The following RPH3A variants were observed in gnomAD, a reference collection of about 807,000 sequenced individuals.
The protein encoded by RPH3A is rabphilin 3A.
In RPH3A, 48 loss-of-function variants were observed where a neutral mutation model predicts 102.2. That is an observed-to-expected ratio of 0.47 (90% CI 0.37 to 0.60). The LOEUF is 0.60. Ranked by LOEUF, RPH3A falls within the 20% of genes least tolerant of loss-of-function variation. The pLI is 0.00. For missense variants in RPH3A, 781 were observed against 910.1 expected (o/e 0.86, Z 1.83); for synonymous variants, 310 against 324.3 (o/e 0.96, Z 0.47).
chr12:112,854,252 A>G (rs2042372690), intron 5 of RPH3A, among the ~76,000 whole-genome samples: 1 of 152,176 alleles, frequency 6.6e-6, no homozygotes, highest in African/African-American at 2.4e-5. Context: ...GGGCAAAGTC[A>G]CCTCCTGTTG....
At chr12:112,662,890 T>A (rs1214180699) in intron 1 of RPH3A, among the ~76,000 whole-genome samples, 1 of 151,926 alleles carries the variant, frequency 6.6e-6, no homozygotes, top group African/African-American at 2.4e-5. Flanking sequence ...TAGGGGTGGG[T>A]GCATGACCAG....
chr12:112,659,860 C>T (rs1486505113), intron 1 of RPH3A, among the ~76,000 whole-genome samples: 1 of 152,088 alleles, frequency 6.6e-6, no homozygotes, highest in African/African-American at 2.4e-5. Flanking sequence ...CTTCGGGTGC[C>T]CCTTTGCTTT....
intron 1 of RPH3A, among the ~76,000 whole-genome samples, chr12:112,595,984 G>T (rs1289547542): frequency 6.6e-6 from 1 of 152,198 alleles, no homozygotes; most frequent in African/African-American, 2.4e-5. Context: ...GAAGGGAACA[G>T]CTCCATAGAC....
chr12:112,580,553 G>A (rs571732541), intron 1 of RPH3A, among the ~76,000 whole-genome samples: 4 of 151,868 alleles, frequency 2.6e-5, no homozygotes, highest in East Asian at 3.9e-4. Context: ...ACCGGCGCCC[G>A]CCACCACGCC....
intron 1 of RPH3A, among the ~76,000 whole-genome samples, chr12:112,643,971 A>G (rs1252721855): frequency 6.6e-6 from 1 of 152,376 alleles, no homozygotes. Context: ...AGCCATAAAA[A>G]GAATGAAAGC....
At chr12:112,746,486 C>T (rs4766652) in intron 1 of RPH3A, among the ~76,000 whole-genome samples, 21,637 of 151,968 alleles carry the variant, frequency 0.14, 1,714 homozygotes, top group Admixed American at 0.21. Flanking sequence ...CAAACCTCAC[C>T]GAGATCTCAG....
intron 1 of RPH3A, among the ~76,000 whole-genome samples, chr12:112,728,000 C>A (rs2040607298): frequency 6.6e-6 from 1 of 152,204 alleles, no homozygotes; most frequent in Non-Finnish European, 1.5e-5. Context: ...AGTAGACCTA[C>A]TGAAGAAGAG....
At chr12:112,675,977 G>C (rs1462120988) in intron 1 of RPH3A, among the ~76,000 whole-genome samples, 1 of 152,206 alleles carries the variant, frequency 6.6e-6, no homozygotes, top group Non-Finnish European at 1.5e-5. Context: ...AAGGAAGGTA[G>C]AGTTCAGGAG....
At chr12:112,739,629 G>A (rs2136053884) in intron 1 of RPH3A, among the ~76,000 whole-genome samples, 1 of 152,290 alleles carries the variant, frequency 6.6e-6, no homozygotes, top group East Asian at 1.9e-4. Flanking sequence ...ATTAGACCTG[G>A]GTTCAAATTC....
rs763084705 is a variant in RPH3A at position 112,876,781 on chromosome 12, T to TGCCCCCCAGCCTGCTGCA, written c.1091_1108dup (p.Pro364_Ala369dup). ...GACCCTATTCCCAAGCATCTGCAGC[T>TGCCCCCCAGCCTGCTGCA]GCCCCCCAGCCTGCTGCAGCCCGCC... On this transcript the variant is annotated inframe_insertion, in exon 13 of 22. Transcript: ENST00000389385. 3 of 1,610,978 alleles carry TGCCCCCCAGCCTGCTGCA rather than the reference T, an allele frequency of 1.9e-6. No homozygotes were observed. Among genetic ancestry groups the TGCCCCCCAGCCTGCTGCA allele is most frequent in the Non-Finnish European group, 2.5e-6 (3 of 1,178,712 alleles).
chr12:112,730,632 C>T (rs2040626524), intron 1 of RPH3A, among the ~76,000 whole-genome samples: 1 of 152,174 alleles, frequency 6.6e-6, no homozygotes. Context: ...CCCTAGGAAA[C>T]ATTTTGCACC....
intron 1 of RPH3A, among the ~76,000 whole-genome samples, chr12:112,690,998 C>A (rs1355063105): frequency 2.0e-5 from 3 of 150,570 alleles, no homozygotes; most frequent in Admixed American, 2.0e-4. Flanking sequence ...TCCTTTGATC[C>A]CCCCCGCCCC....
rs777479096 is a variant in RPH3A, at chr12:112,887,868, A to G, written c.1508A>G (p.Lys503Arg). 1.2e-5 allele frequency: 19 copies of G among 1,614,012 alleles called. No individual in the cohort carries two copies. The East Asian group carries it at 4.0e-4, about 34-fold the overall frequency. Residue 503 changes from lysine (K) to arginine (R), a missense_variant, in exon 17 of 22, where the codon AAA (lysine) becomes AGA (arginine). Lys to Arg is a conservative substitution (Grantham distance 26, BLOSUM62 2). This residue lies in a region of RPH3A where 730 missense variants were observed against 810.0 expected (regional missense o/e 0.90). Coordinates refer to ENST00000389385, the MANE Select transcript of RPH3A (RefSeq NM_001143854.2). ...FIGETRFSLK[K>R]LKPNQRKNFN... Reference sequence around the variant, plus strand: ...GGTGAGACCAGATTCTCCCTCAAGAAACTGAAGCCCAACCAGAGGAAGAAT... The same window carrying G: ...GGTGAGACCAGATTCTCCCTCAAGAGACTGAAGCCCAACCAGAGGAAGAAT...
At chr12:112,894,708 T>A (rs1318777814) in intron 20 of RPH3A, 49 bp downstream of exon 20, 1 of 1,542,420 alleles carries the variant, frequency 6.5e-7, no homozygotes, top group Non-Finnish European at 8.9e-7. Context: ...TGCTGTGTGT[T>A]AGAGAGGCAC....
chr12:112,676,562 G>A lies in RPH3A; in HGVS notation c.-140+101243G>A, dbSNP rs115321775. Among the ~76,000 whole-genome samples the A allele has an allele frequency of 3.8e-3, 580 of 152,344 alleles. 3 individuals are homozygous for A. Among genetic ancestry groups the A allele is most frequent in the African/African-American group, 0.013 (551 of 41,574 alleles). ...TAACTTTAGATGCCAATAAGAGAGC[G>A]ACTAGGCCTTCCTTTAAAATGCCAC... is the stretch of plus-strand genomic sequence containing the variant. On this transcript the variant is annotated intron_variant, in intron 1 of 21. Coordinates refer to the RPH3A transcript ENST00000543106.
intron 1 of RPH3A, among the ~76,000 whole-genome samples, chr12:112,710,127 A>G (rs1426655230): frequency 6.6e-6 from 1 of 152,060 alleles, no homozygotes; most frequent in African/African-American, 2.4e-5. Flanking sequence ...GGCGCCCGCC[A>G]CTACGCCCGG....
At chr12:112,696,394 T>C (rs955826350) in intron 1 of RPH3A, among the ~76,000 whole-genome samples, 4 of 152,210 alleles carry the variant, frequency 2.6e-5, no homozygotes, top group African/African-American at 9.7e-5. Flanking sequence ...CTTTTAGTTC[T>C]TTAAGAAATC....
At chr12:112,867,410 T>TC (rs755766352) in intron 7 of RPH3A, among the ~76,000 whole-genome samples, 2 of 152,090 alleles carry the variant, frequency 1.3e-5, no homozygotes, top group Admixed American at 6.6e-5. Flanking sequence ...TGCTGCAGAG[T>TC]CCTGCCTTTG....
chr12:112,605,289 G>A (rs1185479063), intron 1 of RPH3A, among the ~76,000 whole-genome samples: 1 of 152,058 alleles, frequency 6.6e-6, no homozygotes, highest in Admixed American at 6.6e-5. Flanking sequence ...GCAGGAGAAT[G>A]GCTTGAATCC....
Sources: allele counts gnomAD v4.1 joint callset (sites outside exome capture counted in the v4.1 genomes callset), GRCh38; gene constraint gnomAD v4.1.1; regional missense constraint gnomAD v4.1.1; transcripts MANE v1.5; gene names NCBI Gene and HGNC (gene_info 2026-07-23, HGNC 2026-07-21).